MELK: variants seen among roughly 807,000 people sequenced by gnomAD.
The protein encoded by MELK is maternal embryonic leucine zipper kinase.
A neutral mutation model predicts 85.0 loss-of-function variants in MELK; 81 were observed. The observed-to-expected ratio is 0.95, with a 90% confidence interval of 0.80 to 1.15. MELK has a LOEUF of 1.15. Among genes scored for constraint, MELK ranks in the 50% most tolerant of loss-of-function variants. The pLI, the probability that MELK is intolerant of heterozygous loss-of-function variation, is 0.00. For missense variants in MELK, 754 were observed against 777.5 expected (o/e 0.97, Z 0.36); for synonymous variants, 252 against 265.0 (o/e 0.95, Z 0.48).
chr9:36,630,122 G>T, intron 8 of MELK, 177 bp from the exon 9 acceptor site: 1 of 614,730 alleles, frequency 1.6e-6, no homozygotes, highest in East Asian at 2.7e-5. Context: ...TGGGACTTCA[G>T]GTGTGAGCCA....
chr9:36,655,339 C>T (rs952993532), intron 12 of MELK, among the ~76,000 whole-genome samples: 6 of 151,982 alleles, frequency 3.9e-5, no homozygotes, highest in Non-Finnish European at 7.4e-5. Flanking sequence ...AGAAGTGGCA[C>T]AACATTCAGG....
intron 17 of MELK, among the ~76,000 whole-genome samples, chr9:36,675,161 C>T (rs192486460): frequency 2.6e-5 from 4 of 152,246 alleles, no homozygotes; most frequent in African/African-American, 9.6e-5. Flanking sequence ...GTGGCACATG[C>T]CTGTAGTTCC....
intron 7 of MELK, among the ~76,000 whole-genome samples, chr9:36,601,014 A>G (rs191620835): frequency 6.6e-6 from 1 of 152,234 alleles, no homozygotes; most frequent in East Asian, 1.9e-4. Context: ...CTATGTTTAT[A>G]TATATGCATG....
At chr9:36,577,711 G>T (rs1821794019) in intron 1 of MELK, among the ~76,000 whole-genome samples, 1 of 151,928 alleles carries the variant, frequency 6.6e-6, no homozygotes, top group South Asian at 2.1e-4. Flanking sequence ...GAGTGCAGTG[G>T]CATGATCTCG....
At chr9:36,592,172 C>CTTTTTTTTTTTT (rs35073009) in intron 4 of MELK, among the ~76,000 whole-genome samples, 4 of 117,290 alleles carry the variant, frequency 3.4e-5, no homozygotes, top group Non-Finnish European at 5.2e-5. Flanking sequence ...CATTTCTTTT[C>CTTTTTTTTTTTT]TTTTTTTTTT....
At chr9:36,640,869 G>A (rs141891355) in intron 10 of MELK, among the ~76,000 whole-genome samples, 6 of 152,310 alleles carry the variant, frequency 3.9e-5, no homozygotes, top group Middle Eastern at 3.4e-3. Context: ...AGGTTTCAGC[G>A]TATGAATTGA....
In MELK at chr9:36,581,640, C is replaced by T; in HGVS notation, c.-38-4C>T. On this transcript the variant is annotated splice_region_variant and splice_polypyrimidine_tract_variant and intron_variant, in intron 1 of 17. Coordinates refer to ENST00000298048, the MANE Select transcript of MELK (RefSeq NM_014791.4). Reference sequence around the variant, plus strand: ...TTATTGATTATGTACTCTCTGTCTTCTAGGTTCTTTTTCTAATTCCAAATA... The same window carrying T: ...TTATTGATTATGTACTCTCTGTCTTTTAGGTTCTTTTTCTAATTCCAAATA... 7.3e-7 allele frequency: 1 copy of T among 1,374,056 alleles called. No homozygotes were observed. Among genetic ancestry groups the T allele is most frequent in the South Asian group, 1.2e-5 (1 of 84,686 alleles). 85.1% of individuals were successfully genotyped at this position (1,374,056 alleles called of 1,614,324 possible).
chr9:36,627,053 A>AACACACACACACACACACACACACACAC (rs10608377), intron 8 of MELK, among the ~76,000 whole-genome samples: 9 of 140,960 alleles, frequency 6.4e-5, no homozygotes, highest in East Asian at 4.1e-4. Flanking sequence ...CACAAGCGCA[A>AACACACACACACACACACACACACACAC]ACACACACAC....
intron 12 of MELK, among the ~76,000 whole-genome samples, chr9:36,652,989 T>C (rs1181272794): frequency 6.6e-6 from 1 of 152,208 alleles, no homozygotes; most frequent in Admixed American, 6.5e-5. Flanking sequence ...TGAAACATTT[T>C]GATAAATATT....
intron 8 of MELK, among the ~76,000 whole-genome samples, chr9:36,621,245 C>A (rs10814419): frequency 8.4e-6 from 1 of 119,656 alleles, no homozygotes; most frequent in Non-Finnish European, 1.6e-5. Context: ...GCCCTCCAGT[C>A]TGAATGACAG....
chr9:36,619,074 T>G (rs1403036526), intron 8 of MELK, among the ~76,000 whole-genome samples: 1 of 151,802 alleles, frequency 6.6e-6, no homozygotes, highest in African/African-American at 2.4e-5. Flanking sequence ...TTCTCCTGCC[T>G]CAGCCTCCCA....
chr9:36,674,364 G>A (rs1564238507), intron 16 of MELK, among the ~76,000 whole-genome samples: 1 of 152,172 alleles, frequency 6.6e-6, no homozygotes, highest in East Asian at 1.9e-4. Flanking sequence ...CATAAAATCA[G>A]CTCCTGGAAC....
chr9:36,617,814 T>C (rs1826996836), intron 8 of MELK, among the ~76,000 whole-genome samples: 1 of 152,206 alleles, frequency 6.6e-6, no homozygotes, highest in Admixed American at 6.5e-5. Context: ...TTTCACATTC[T>C]GGATTCTGGA....
At position 36,671,156 on chromosome 9, in the gene MELK, G is replaced by A; in HGVS notation, c.1664G>A (p.Arg555Lys). The change falls in exon 16 of 18, where the codon AGA becomes AAA. Residue 555 changes from arginine (R) to lysine (K), a missense_variant. Transcript: ENST00000298048. ...AAGGGTTCTGCCAGAGACGGGCCCAGAAGACTAAAGGTAAGCAGGCTGGAA... is the reference window on the plus strand; with the variant it reads ...AAGGGTTCTGCCAGAGACGGGCCCAAAAGACTAAAGGTAAGCAGGCTGGAA... ...KRKGSARDGP[R>K]RLKLHYNVTT... 1 of 1,599,530 alleles carries A rather than the reference G, an allele frequency of 6.3e-7. No individual in the cohort carries two copies. Among genetic ancestry groups the A allele is most frequent in the Non-Finnish European group, 8.5e-7 (1 of 1,173,268 alleles).
intron 12 of MELK, among the ~76,000 whole-genome samples, chr9:36,654,377 A>T (rs1831023995): frequency 2.4e-5 from 2 of 82,144 alleles, no homozygotes; most frequent in Admixed American, 1.9e-4. Context: ...TTTTTTTGAG[A>T]CAGAGTCTTG....
chr9:36,615,626 T>C (rs1826635829), intron 8 of MELK, among the ~76,000 whole-genome samples: 1 of 129,466 alleles, frequency 7.7e-6, no homozygotes, highest in Non-Finnish European at 1.6e-5. Context: ...GAGGGTCTCC[T>C]CACTTCTCAG....
chr9:36,614,347 G>A (rs1161153229), intron 8 of MELK, among the ~76,000 whole-genome samples: 1 of 151,438 alleles, frequency 6.6e-6, no homozygotes, highest in East Asian at 1.9e-4. Flanking sequence ...CACCTGCCTC[G>A]GCCTCCCAAG....
At chr9:36,633,536 A>G (rs1828846278) in intron 10 of MELK, among the ~76,000 whole-genome samples, 2 of 152,186 alleles carry the variant, frequency 1.3e-5, no homozygotes, top group African/African-American at 4.8e-5. Context: ...TCATCTGTAA[A>G]AAGTAGGTTA....
At chr9:36,656,505 T>C (rs553234786) in intron 12 of MELK, among the ~76,000 whole-genome samples, 4 of 152,356 alleles carry the variant, frequency 2.6e-5, no homozygotes, top group African/African-American at 9.6e-5. Flanking sequence ...CATTTTTGTT[T>C]CCAGGGCCTT....
Sources: allele counts gnomAD v4.1 joint callset (sites outside exome capture counted in the v4.1 genomes callset), GRCh38; gene constraint gnomAD v4.1.1; transcripts MANE v1.5; gene names NCBI Gene and HGNC (gene_info 2026-07-23, HGNC 2026-07-21).